RABGAP1L: variants seen among roughly 807,000 people sequenced by gnomAD.
The protein encoded by RABGAP1L is RAB GTPase activating protein 1 like, also known as rab GTPase-activating protein 1-like.
Under a neutral mutation model 137.7 loss-of-function variants are expected in RABGAP1L, and 63 were observed. That is an observed-to-expected ratio of 0.46 (90% CI 0.37 to 0.56). The LOEUF is 0.56. RABGAP1L is among the 20% of genes least tolerant of loss of function. RABGAP1L has a pLI of 0.00. For synonymous variants in RABGAP1L, 431 were observed against 433.7 expected (o/e 0.99, Z 0.08); for missense variants, 1,095 against 1,244.0 (o/e 0.88, Z 1.80).
At chr1:174,513,390 T>G (rs1227066606) in intron 13 of RABGAP1L, among the ~76,000 whole-genome samples, 1 of 152,030 alleles carries the variant, frequency 6.6e-6, no homozygotes, top group Non-Finnish European at 1.5e-5. Flanking sequence ...GGAGGAACGC[T>G]TGAGGCTAGG....
chr1:174,590,242 T>C (rs1572423978), intron 13 of RABGAP1L, among the ~76,000 whole-genome samples: 1 of 149,796 alleles, frequency 6.7e-6, no homozygotes, highest in South Asian at 2.1e-4. Context: ...ACAAAGTTAA[T>C]GCTCTAACAA....
At chr1:174,618,609 C>T (rs1365069190) in intron 13 of RABGAP1L, among the ~76,000 whole-genome samples, 2 of 152,132 alleles carry the variant, frequency 1.3e-5, no homozygotes, top group African/African-American at 4.8e-5. Context: ...AACTAACAAA[C>T]AGAAAGGACA....
chr1:174,882,081 G>A (rs1256939360), intron 19 of RABGAP1L, among the ~76,000 whole-genome samples: 1 of 152,056 alleles, frequency 6.6e-6, no homozygotes, highest in South Asian at 2.1e-4. Context: ...GGCTGGTCTC[G>A]AACTCCTGAC....
intron 18 of RABGAP1L, among the ~76,000 whole-genome samples, chr1:174,758,087 G>A (rs1238279327): frequency 2.0e-5 from 3 of 150,896 alleles, no homozygotes; most frequent in Non-Finnish European, 2.9e-5. Flanking sequence ...GCCCTTTCCA[G>A]TATGGTTTTT....
At chr1:174,853,284 T>C (rs1040953436) in intron 19 of RABGAP1L, among the ~76,000 whole-genome samples, 1 of 151,872 alleles carries the variant, frequency 6.6e-6, no homozygotes, top group East Asian at 1.9e-4. Flanking sequence ...AGTCAAATTA[T>C]ATATTATACT....
intron 19 of RABGAP1L, among the ~76,000 whole-genome samples, chr1:174,940,725 C>G (rs1665722420): frequency 6.6e-6 from 1 of 152,206 alleles, no homozygotes; most frequent in African/African-American, 2.4e-5. Context: ...TTTTAAAAGA[C>G]AGTTCTAACG....
chr1:174,858,632 G>A (rs1343553318), intron 19 of RABGAP1L, among the ~76,000 whole-genome samples: 2 of 152,132 alleles, frequency 1.3e-5, no homozygotes, highest in African/African-American at 4.8e-5. Context: ...TAGAGGTTGT[G>A]AAAATAAAAT....
intron 19 of RABGAP1L, among the ~76,000 whole-genome samples, chr1:174,828,138 G>A (rs1691773407): frequency 6.8e-6 from 1 of 148,060 alleles, no homozygotes; most frequent in African/African-American, 2.5e-5. Flanking sequence ...TTCTGTGAAG[G>A]AAACATTTTG....
At chr1:174,821,475 T>C (rs1691017477) in intron 19 of RABGAP1L, among the ~76,000 whole-genome samples, 3 of 152,224 alleles carry the variant, frequency 2.0e-5, no homozygotes, top group Admixed American at 2.0e-4. Flanking sequence ...TACAATTTGA[T>C]CTTACCCCTC....
chr1:174,983,807 T>G (rs1202463997), intron 24 of RABGAP1L, among the ~76,000 whole-genome samples: 9 of 152,154 alleles, frequency 5.9e-5, no homozygotes, highest in Admixed American at 5.9e-4. Flanking sequence ...CAAAAGTATT[T>G]TCTTCTTACT....
intron 19 of RABGAP1L, among the ~76,000 whole-genome samples, chr1:174,916,762 G>A (rs1266656407): frequency 6.6e-6 from 1 of 152,120 alleles, no homozygotes; most frequent in Non-Finnish European, 1.5e-5. Flanking sequence ...CATTCCATTG[G>A]TGAAAACTTG....
chr1:174,815,794 C>T (rs1690331732), intron 19 of RABGAP1L, among the ~76,000 whole-genome samples: 1 of 152,194 alleles, frequency 6.6e-6, no homozygotes, highest in Non-Finnish European at 1.5e-5. Context: ...ACTAATGTGA[C>T]TCCAAGTTAT....
At chr1:174,490,393 A>G (rs192266383) in intron 13 of RABGAP1L, among the ~76,000 whole-genome samples, 118 of 152,288 alleles carry the variant, frequency 7.7e-4, no homozygotes, top group Non-Finnish European at 1.4e-3. Flanking sequence ...ATTACCAGGC[A>G]GAGACACTTG....
chr1:174,486,225 T>C (rs1275945533), intron 13 of RABGAP1L, among the ~76,000 whole-genome samples: 1 of 29,712 alleles, frequency 3.4e-5, no homozygotes, highest in African/African-American at 1.7e-3. Flanking sequence ...TCTTTTTTCT[T>C]TTTTTTTTTT....
At chr1:174,231,424 A>G in intron 4 of RABGAP1L, 69 bp downstream of exon 4, 1 of 1,396,712 alleles carries the variant, frequency 7.2e-7, no homozygotes, top group Non-Finnish European at 1.0e-6. Context: ...ATGTTATAGC[A>G]TCATCAGGTG....
chr1:174,916,212 G>T (rs551491527), intron 19 of RABGAP1L, among the ~76,000 whole-genome samples: 2 of 150,292 alleles, frequency 1.3e-5, no homozygotes, highest in African/African-American at 4.9e-5. Context: ...TGGCAACTTT[G>T]TTGAAAGTCA....
At chr1:174,234,160 A>G (rs1176824281) in intron 4 of RABGAP1L, among the ~76,000 whole-genome samples, 1 of 109,704 alleles carries the variant, frequency 9.1e-6, no homozygotes, top group African/African-American at 5.4e-5. Context: ...TAGATTCTGG[A>G]TATTAGCCCT....
At chr1:174,782,617 T>C (rs1687100010) in intron 18 of RABGAP1L, among the ~76,000 whole-genome samples, 1 of 152,206 alleles carries the variant, frequency 6.6e-6, no homozygotes, top group Non-Finnish European at 1.5e-5. Flanking sequence ...CATTTCCGCA[T>C]GGGATGTCAG....
intron 1 of RABGAP1L, among the ~76,000 whole-genome samples, chr1:174,205,852 A>T (rs1025913458): frequency 5.3e-5 from 8 of 152,104 alleles, no homozygotes; most frequent in Non-Finnish European, 1.5e-5. Context: ...AATTCTAGAA[A>T]CCCAATTTAA....
Sources: gnomAD v4.1 joint callset for allele counts (sites outside exome capture counted in the v4.1 genomes callset) on GRCh38, gnomAD v4.1.1 for gene constraint, MANE v1.5 for transcripts, NCBI Gene and HGNC (gene_info 2026-07-23, HGNC 2026-07-21) for gene names.